The following KALRN variants were observed in gnomAD, a reference collection of about 807,000 sequenced individuals.
KALRN encodes kalirin.
In KALRN, 70 loss-of-function variants were observed where a neutral mutation model predicts 353.7. The observed-to-expected ratio is 0.20, with a 90% CI of 0.16 to 0.24. KALRN has a LOEUF of 0.24. KALRN is among the 10% of genes least tolerant of loss of function. The pLI, the probability that KALRN is intolerant of heterozygous loss-of-function variation, is 1.00. For missense variants in KALRN, 2,791 were observed against 3,756.7 expected (o/e 0.74, Z 6.72); for synonymous variants, 1,391 against 1,434.8 (o/e 0.97, Z 0.69).
chr3:124,494,620 A>G (rs542038023), intron 32 of KALRN, among the ~76,000 whole-genome samples: 4 of 152,370 alleles, frequency 2.6e-5, no homozygotes, highest in African/African-American at 7.2e-5. Flanking sequence ...TCCCAAGCCC[A>G]CAAATGATGG....
intron 33 of KALRN, among the ~76,000 whole-genome samples, chr3:124,516,500 A>G (rs1346073849): frequency 6.6e-6 from 1 of 152,212 alleles, no homozygotes; most frequent in Non-Finnish European, 1.5e-5. Context: ...TAATAAGAAC[A>G]ATAAAAATAT....
intron 1 of KALRN, among the ~76,000 whole-genome samples, chr3:124,134,117 C>G (rs1055491190): frequency 6.6e-6 from 1 of 152,160 alleles, no homozygotes; most frequent in Non-Finnish European, 1.5e-5. Context: ...ATCACACTAC[C>G]TGATTTCAAA....
chr3:124,274,112 C>G (rs1368569838), intron 5 of KALRN, among the ~76,000 whole-genome samples: 1 of 152,190 alleles, frequency 6.6e-6, no homozygotes, highest in Non-Finnish European at 1.5e-5. Flanking sequence ...AGGGTGAGTG[C>G]TACTCAGTGG....
rs377252639 is a variant in KALRN at position 124,232,141 on chromosome 3, C to T, written c.149-2688C>T. On this transcript the variant is annotated intron_variant, in intron 2 of 59. Coordinates refer to ENST00000682506, the MANE Select transcript of KALRN (RefSeq NM_001388419.1). ...ATCCAATAGAACATCTCCCACCCTC[C>T]CTGGGCATACCCCATTTATATGGTG... Among the ~76,000 whole-genome samples the T allele has an allele frequency of 1.8e-4, 27 of 152,178 alleles. 1 individual carries two copies. In the East Asian group the frequency reaches 2.5e-3, roughly 14 times the overall value.
At chr3:124,610,608 G>A (rs1443249234) in intron 34 of KALRN, among the ~76,000 whole-genome samples, 2 of 149,164 alleles carry the variant, frequency 1.3e-5, no homozygotes, top group East Asian at 2.0e-4. Flanking sequence ...GAAAGGTGTC[G>A]CCTCTCTCTA....
chr3:124,577,230 G>T lies in KALRN; in HGVS notation c.5182+14141G>T, dbSNP rs535876728. On this transcript the variant is annotated intron_variant, in intron 34 of 59. Coordinates refer to ENST00000682506, the MANE Select transcript of KALRN (RefSeq NM_001388419.1). Reference sequence around the variant, plus strand: ...ACTTCCTGGAAAAAAAAAAAAGAGGGTGGCTGCAGGCTGAGCTGGGGCCTC... The same window carrying T: ...ACTTCCTGGAAAAAAAAAAAAGAGGTTGGCTGCAGGCTGAGCTGGGGCCTC... Among the ~76,000 whole-genome samples the T allele has an allele frequency of 2.0e-5, 3 of 152,058 alleles. No homozygotes were observed. In the South Asian group the frequency reaches 6.2e-4, roughly 32 times the overall value.
At chr3:124,488,093 A>G in intron 28 of KALRN, 111 bp from the exon 29 acceptor site, 1 of 644,138 alleles carries the variant, frequency 1.6e-6, no homozygotes, top group Non-Finnish European at 2.8e-6. Context: ...TATAGCTCAG[A>G]GGGAACCATT....
chr3:124,163,491 G>C (rs2070338927), intron 1 of KALRN: 1 of 523,212 alleles, frequency 1.9e-6, no homozygotes, highest in Non-Finnish European at 2.5e-6. Context: ...AAAGCAGTTT[G>C]AAGAAAAAAT....
At chr3:124,084,767 T>C (rs2060719750) in intron 1 of KALRN, among the ~76,000 whole-genome samples, 1 of 152,218 alleles carries the variant, frequency 6.6e-6, no homozygotes, top group Admixed American at 6.5e-5. Flanking sequence ...GTTTCAAAAT[T>C]GTGAAAGGCA....
intron 38 of KALRN, among the ~76,000 whole-genome samples, chr3:124,652,276 T>G (rs1271866802): frequency 4.6e-5 from 7 of 152,252 alleles, no homozygotes; most frequent in Non-Finnish European, 1.0e-4. Context: ...GGGCTATCAC[T>G]TCATAGTGGA....
intron 49 of KALRN, 155 bp downstream of exon 49, chr3:124,674,769 T>C: frequency 1.4e-6 from 1 of 727,754 alleles, no homozygotes; most frequent in Non-Finnish European, 2.1e-6. Flanking sequence ...GCTGACACCA[T>C]ATGCAACATG....
chr3:124,585,869 G>A (rs1251989278), intron 34 of KALRN, among the ~76,000 whole-genome samples: 2 of 152,148 alleles, frequency 1.3e-5, no homozygotes, highest in Non-Finnish European at 2.9e-5. Flanking sequence ...CATCCCATCT[G>A]CTATGCAAAA....
chr3:124,620,681 A>G (rs2079163173), intron 34 of KALRN, among the ~76,000 whole-genome samples: 1 of 152,218 alleles, frequency 6.6e-6, no homozygotes, highest in Admixed American at 6.5e-5. Context: ...AGACAGCTAG[A>G]TGGGGCAGTG....
At chr3:124,061,712 G>A (rs1027150391) in intron 1 of KALRN, among the ~76,000 whole-genome samples, 3 of 152,086 alleles carry the variant, frequency 2.0e-5, no homozygotes, top group African/African-American at 7.2e-5. Context: ...TTTCAACATG[G>A]TTGTTACAGT....
chr3:124,119,151 C>T (rs368668731), intron 1 of KALRN, among the ~76,000 whole-genome samples: 10 of 151,460 alleles, frequency 6.6e-5, no homozygotes, highest in African/African-American at 1.9e-4. Flanking sequence ...ACCTGCAAGG[C>T]GAGAGGCAAC....
At position 124,489,235 on chromosome 3, in the gene KALRN, A is replaced by T. The variant is rs62264238; in HGVS notation, c.4396+920A>T. ...GGTGTGAGAATCGCTTGAACCCAGGAGGCAGAGGTTGCCGTGAGCTGAGAT... is the reference window on the plus strand; with the variant it reads ...GGTGTGAGAATCGCTTGAACCCAGGTGGCAGAGGTTGCCGTGAGCTGAGAT... On this transcript the variant is annotated intron_variant, in intron 29 of 59. Coordinates refer to ENST00000682506, the MANE Select transcript of KALRN (RefSeq NM_001388419.1). Among the ~76,000 whole-genome samples, 1,389 of 152,270 alleles carry T rather than the reference A, an allele frequency of 9.1e-3. 10 individuals are homozygous for T. The highest frequency in any genetic ancestry group is 0.021 in the South Asian group (99 of 4,814).
At chr3:124,270,805 T>C (rs1179013969) in intron 5 of KALRN, among the ~76,000 whole-genome samples, 3 of 149,120 alleles carry the variant, frequency 2.0e-5, no homozygotes, top group Non-Finnish European at 3.0e-5. Context: ...TTTGTTTTCT[T>C]TGTTTATTTT....
At chr3:124,095,584 C>T (rs1315030542) in intron 1 of KALRN, among the ~76,000 whole-genome samples, 2 of 152,080 alleles carry the variant, frequency 1.3e-5, no homozygotes, top group Non-Finnish European at 2.9e-5. Flanking sequence ...ACAGCCGGTA[C>T]AGAATTTGCA....
At chr3:124,406,702 G>A (rs1370667116) in intron 13 of KALRN, among the ~76,000 whole-genome samples, 1 of 152,182 alleles carries the variant, frequency 6.6e-6, no homozygotes, top group African/African-American at 2.4e-5. Flanking sequence ...GTTGATTAAT[G>A]TATATAATCA....
Sources: allele counts gnomAD v4.1 joint callset (sites outside exome capture counted in the v4.1 genomes callset), GRCh38; gene constraint gnomAD v4.1.1; transcripts MANE v1.5; gene names NCBI Gene and HGNC (gene_info 2026-07-23, HGNC 2026-07-21).